The following THRB variants were observed in gnomAD, a reference collection of about 807,000 sequenced individuals.
The protein encoded by THRB is thyroid hormone receptor beta, also known as nuclear receptor subfamily 1 group A member 2.
Under a neutral mutation model 47.8 loss-of-function variants are expected in THRB, and 12 were observed. The observed-to-expected ratio is 0.25, with a 90% CI of 0.16 to 0.41. THRB has a LOEUF of 0.41. THRB is among the 10% of genes least tolerant of loss of function. The probability of loss-of-function intolerance (pLI) is 1.00; values close to 1 mark genes in which losing one functional copy is unlikely to be tolerated. For missense variants in THRB, 348 were observed against 589.2 expected, an observed-to-expected ratio of 0.59 and a Z score of 4.24; for synonymous variants, 218 against 212.2, an observed-to-expected ratio of 1.03 and a Z score of -0.24.
At chr3:24,353,846 C>T (rs2149566053) in intron 1 of THRB, among the ~76,000 whole-genome samples, 1 of 152,140 alleles carries the variant, frequency 6.6e-6, no homozygotes, top group Admixed American at 6.5e-5. Context: ...ATTTTAAACA[C>T]TAAGATGAGG....
rs137970253 is a variant in THRB, at chr3:24,482,268, T to A, written c.-261+12384A>T. On this transcript the variant is annotated intron_variant, in intron 1 of 10. Coordinates refer to ENST00000646209, the MANE Select transcript of THRB (RefSeq NM_001354712.2). ...CACTCACCAGGTACTATGTCCTGGC[T>A]AAGCAGTTTATAGCCATTATCTCAT... Among the ~76,000 whole-genome samples the A allele has an allele frequency of 4.9e-3, 749 of 152,366 alleles. 3 individuals are homozygous for A. Among genetic ancestry groups the A allele is most frequent in the Non-Finnish European group, 7.8e-3 (532 of 68,032 alleles).
At position 24,127,502 on chromosome 3, in the gene THRB, A is replaced by C; in HGVS notation, c.1141T>G (p.Ser381Ala). 1 of 1,614,174 alleles carries C rather than the reference A, an allele frequency of 6.2e-7. No individual in the cohort carries two copies. The highest frequency in any genetic ancestry group is 8.5e-7 in the Non-Finnish European group (1 of 1,180,008). ...TAACGAGTCTAGGCGTACTCACCTG[A>C]AGACATCAGCAGGACGGCCTGAAGG... ...ALLQAVLLMS[S>A]DRPGLACVER... The change falls in exon 10 of 11, where the codon TCA (serine) becomes GCA (alanine). Residue 381 changes from serine (S) to alanine (A), a missense_variant. Ser to Ala is a moderately conservative substitution (Grantham distance 99). This residue lies in a region of THRB where 45 missense variants were observed against 156.2 expected (regional missense o/e 0.29). Coordinates refer to ENST00000646209, the MANE Select transcript of THRB (RefSeq NM_001354712.2).
intron 1 of THRB, among the ~76,000 whole-genome samples, chr3:24,409,456 C>G (rs902967333): frequency 3.3e-5 from 5 of 151,782 alleles, no homozygotes; most frequent in Admixed American, 1.3e-4. Flanking sequence ...TGGATTCATA[C>G]AGAACTAAGT....
intron 1 of THRB, among the ~76,000 whole-genome samples, chr3:24,443,713 AT>A (rs2071777271): frequency 6.6e-6 from 1 of 152,196 alleles, no homozygotes. Flanking sequence ...TTATGCAATA[AT>A]TCAAAAGAAA....
intron 5 of THRB, among the ~76,000 whole-genome samples, chr3:24,168,320 T>TG (rs1418461886): frequency 2.6e-5 from 4 of 152,090 alleles, no homozygotes; most frequent in Non-Finnish European, 5.9e-5. Flanking sequence ...AAACATATTA[T>TG]GTGTCACAAA....
intron 3 of THRB, among the ~76,000 whole-genome samples, chr3:24,281,853 G>A (rs1352713049): frequency 1.3e-5 from 2 of 151,456 alleles, no homozygotes. Context: ...ATTATTTAAT[G>A]GTAAAGGGAT....
chr3:24,487,440 G>A (rs547767491), intron 1 of THRB, among the ~76,000 whole-genome samples: 1 of 152,160 alleles, frequency 6.6e-6, no homozygotes, highest in Non-Finnish European at 1.5e-5. Context: ...ATGCATGCTA[G>A]TATAAAAATA....
intron 4 of THRB, among the ~76,000 whole-genome samples, chr3:24,205,334 G>T (rs1043710220): frequency 6.6e-6 from 1 of 152,206 alleles, no homozygotes. Flanking sequence ...CCAGAAGAGA[G>T]TGGGGGCCAT....
intron 2 of THRB, among the ~76,000 whole-genome samples, chr3:24,299,778 T>TTTTTTTG (rs1331971218): frequency 3.3e-5 from 1 of 30,588 alleles, no homozygotes; most frequent in Non-Finnish European, 6.5e-5. Context: ...TTTTTATTTA[T>TTTTTTTG]TTATTTATTT....
intron 1 of THRB, among the ~76,000 whole-genome samples, chr3:24,441,080 GA>G (rs1039860302): frequency 9.9e-5 from 15 of 152,126 alleles, no homozygotes; most frequent in African/African-American, 3.1e-4. Flanking sequence ...GCAATTGCAG[GA>G]AAAAGATCCC....
At chr3:24,483,025 T>A (rs1266888033) in intron 1 of THRB, among the ~76,000 whole-genome samples, 1 of 152,190 alleles carries the variant, frequency 6.6e-6, no homozygotes, top group Non-Finnish European at 1.5e-5. Flanking sequence ...TTCTTAATAA[T>A]CTAAAATGCA....
Position 24,344,042 on chromosome 3 carries a change from C to G in THRB, c.-260-6671G>C, listed in dbSNP as rs1198577352. On this transcript the variant is annotated intron_variant, in intron 1 of 10. Transcript: ENST00000646209. Reference sequence around the variant, plus strand: ...CTAGGTCTTACCCAAGTTCATGAATCCATTTAATGTTAATTCAAAGCAATT... The same window carrying G: ...CTAGGTCTTACCCAAGTTCATGAATGCATTTAATGTTAATTCAAAGCAATT... Among the ~76,000 whole-genome samples the G allele has an allele frequency of 1.1e-4, 16 of 150,310 alleles. 1 individual carries two copies.
At chr3:24,202,105 G>A (rs1178935272) in intron 4 of THRB, among the ~76,000 whole-genome samples, 3 of 152,046 alleles carry the variant, frequency 2.0e-5, no homozygotes, top group Non-Finnish European at 4.4e-5. Context: ...CACCCTTTAT[G>A]GGAAGTCAAC....
At chr3:24,448,139 C>A (rs1471780656) in intron 1 of THRB, among the ~76,000 whole-genome samples, 1 of 152,060 alleles carries the variant, frequency 6.6e-6, no homozygotes, top group African/African-American at 2.4e-5. Flanking sequence ...ATTTGCAGAG[C>A]ACTGACCCCT....
intron 3 of THRB, among the ~76,000 whole-genome samples, chr3:24,238,466 T>A (rs2049145430): frequency 1.3e-5 from 2 of 151,934 alleles, no homozygotes; most frequent in African/African-American, 4.8e-5. Context: ...AATGTGAAAA[T>A]AAAACATTAA....
At chr3:24,294,899 C>G (rs2151014830) in intron 3 of THRB, among the ~76,000 whole-genome samples, 1 of 152,346 alleles carries the variant, frequency 6.6e-6, no homozygotes, top group Middle Eastern at 3.4e-3. Context: ...TAATAATACA[C>G]TGGCTCTCAG....
chr3:24,224,743 A>G (rs2047488524), intron 4 of THRB, among the ~76,000 whole-genome samples: 1 of 152,246 alleles, frequency 6.6e-6, no homozygotes, highest in Non-Finnish European at 1.5e-5. Flanking sequence ...CCATCAATGT[A>G]TGTATGCCTT....
In THRB at chr3:24,272,122, G is replaced by A. The variant is rs528360896; in HGVS notation, c.-43+25104C>T. Among the ~76,000 whole-genome samples the A allele has an allele frequency of 9.2e-5, 14 of 152,194 alleles. No homozygotes were observed. The South Asian group carries it at 1.2e-3, about 14-fold the overall frequency. The stretch of plus-strand genomic sequence containing the variant: ...TTTGGGATGCCATAGCAGGAGGATC[G>A]CTTGAGCCCGGGAGTTCAAGACCAG... On this transcript the variant is annotated intron_variant, in intron 3 of 10. Coordinates refer to ENST00000646209, the MANE Select transcript of THRB (RefSeq NM_001354712.2).
At chr3:24,301,210 C>T (rs1452341605) in intron 2 of THRB, among the ~76,000 whole-genome samples, 1 of 152,178 alleles carries the variant, frequency 6.6e-6, no homozygotes, top group East Asian at 1.9e-4. Context: ...AACTTCTTCT[C>T]CCCAGAACTG....
Sources: gnomAD v4.1 joint callset for allele counts (sites outside exome capture counted in the v4.1 genomes callset) on GRCh38, gnomAD v4.1.1 for gene constraint, gnomAD v4.1.1 regional missense constraint, MANE v1.5 for transcripts, NCBI Gene and HGNC (gene_info 2026-07-23, HGNC 2026-07-21) for gene names.